EPHA3: variants seen among roughly 807,000 people sequenced by gnomAD.
EPHA3 encodes ephrin type-A receptor 3.
Under a neutral mutation model 107.1 loss-of-function variants are expected in EPHA3, and 42 were observed. The ratio of observed to expected loss-of-function variants is 0.39; its 90% CI spans 0.31 to 0.51. The LOEUF is 0.51. Among genes scored for constraint, EPHA3 ranks in the 20% least tolerant of loss-of-function variants. The probability of loss-of-function intolerance (pLI) is 0.78; values close to 1 mark genes in which losing one functional copy is unlikely to be tolerated. For synonymous variants in EPHA3, 461 were observed against 424.8 expected (o/e 1.09, Z -1.05); for missense variants, 1,183 against 1,211.2 (o/e 0.98, Z 0.35).
chr3:89,469,944 T>A (rs1710367667), intron 15 of EPHA3, among the ~76,000 whole-genome samples: 1 of 152,124 alleles, frequency 6.6e-6, no homozygotes, highest in Non-Finnish European at 1.5e-5. Flanking sequence ...ATTTCAAGTA[T>A]ATAAGAAAAA....
chr3:89,449,524 G>T, intron 14 of EPHA3, 150 bp downstream of exon 14: 1 of 603,076 alleles, frequency 1.7e-6, no homozygotes, highest in Non-Finnish European at 2.6e-6. Context: ...GTCTTGCAAG[G>T]ATATTATATT....
At position 89,294,481 on chromosome 3, in the gene EPHA3, T is replaced by G. The variant is rs573177481; in HGVS notation, c.815-46435T>G. ...CATTTTTGGTAGTTTCATTTATTCCTTGAACTTTGTTCTTTTCCTCTTACA... is the reference window on the plus strand; with the variant it reads ...CATTTTTGGTAGTTTCATTTATTCCGTGAACTTTGTTCTTTTCCTCTTACA... On this transcript the variant is annotated intron_variant, in intron 3 of 16. Transcript: ENST00000336596. Among the ~76,000 whole-genome samples, 16 of 152,064 alleles carry G rather than the reference T, an allele frequency of 1.1e-4. No individual in the cohort carries two copies. In the South Asian group the frequency reaches 3.3e-3, roughly 32 times the overall value.
intron 2 of EPHA3, among the ~76,000 whole-genome samples, chr3:89,203,955 C>T (rs527570721): frequency 7.1e-4 from 108 of 152,104 alleles, no homozygotes; most frequent in Non-Finnish European, 1.2e-3. Flanking sequence ...CTGGGTAAAG[C>T]GGAGACAGAA....
chr3:89,340,224 G>T (rs552132700), intron 3 of EPHA3, among the ~76,000 whole-genome samples: 1 of 152,178 alleles, frequency 6.6e-6, no homozygotes, highest in Non-Finnish European at 1.5e-5. Flanking sequence ...AGATAACACA[G>T]TTATTAAAAG....
chr3:89,480,406 G>A lies in EPHA3; in HGVS notation c.*904G>A. Reference sequence around the variant, plus strand: ...CCTCTCCGTTTATTATAAACTGTATGCTCACAACTTAGTGTAATATACCAG... The same window carrying A: ...CCTCTCCGTTTATTATAAACTGTATACTCACAACTTAGTGTAATATACCAG... On this transcript the variant is annotated 3_prime_UTR_variant, in exon 17 of 17. Transcript: ENST00000336596. 4.3e-6 allele frequency: 1 copy of A among 233,128 alleles called. No individual in the cohort carries two copies. Among genetic ancestry groups the A allele is most frequent in the Non-Finnish European group, 8.5e-6 (1 of 117,778 alleles). 14.4% of individuals were successfully genotyped at this position (233,128 alleles called of 1,614,324 possible).
chr3:89,380,525 A>T (rs2107483512), intron 5 of EPHA3, among the ~76,000 whole-genome samples: 1 of 152,212 alleles, frequency 6.6e-6, no homozygotes, highest in Non-Finnish European at 1.5e-5. Context: ...TTCTTTTCTT[A>T]CTTATACGAA....
chr3:89,265,523 C>T (rs1282551103), intron 3 of EPHA3, among the ~76,000 whole-genome samples: 1 of 152,090 alleles, frequency 6.6e-6, no homozygotes, highest in Non-Finnish European at 1.5e-5. Flanking sequence ...ATATGTAATG[C>T]AAAATGTGAT....
At chr3:89,248,793 G>A (rs955723356) in intron 3 of EPHA3, among the ~76,000 whole-genome samples, 12 of 152,184 alleles carry the variant, frequency 7.9e-5, no homozygotes, top group Admixed American at 7.9e-4. Context: ...TGAATGTGCA[G>A]ATTTGGAAAA....
intron 2 of EPHA3, among the ~76,000 whole-genome samples, chr3:89,190,125 T>C (rs1226393609): frequency 6.6e-6 from 1 of 152,210 alleles, no homozygotes; most frequent in Non-Finnish European, 1.5e-5. Context: ...TGCACCTGCT[T>C]CTTTGATTTA....
At position 89,180,010 on chromosome 3, in the gene EPHA3, G is replaced by A. The variant is rs553738601; in HGVS notation, c.154-29850G>A. ...CAGAAATACAACTCAAGTGCAGTTC[G>A]TATATTCATATCAATTTCTGTTATA... On this transcript the variant is annotated intron_variant, in intron 2 of 16. Transcript: ENST00000336596. Among the ~76,000 whole-genome samples, 252 of 151,746 alleles carry A rather than the reference G, an allele frequency of 1.7e-3. 1 individual carries two copies. The highest frequency in any genetic ancestry group is 5.7e-3 in the African/African-American group (235 of 41,400).
At chr3:89,323,613 A>G (rs536930075) in intron 3 of EPHA3, among the ~76,000 whole-genome samples, 2 of 152,218 alleles carry the variant, frequency 1.3e-5, no homozygotes, top group South Asian at 4.1e-4. Context: ...CTTATATTGG[A>G]GTTCTTAAAA....
chr3:89,281,332 A>G (rs548578123), intron 3 of EPHA3, among the ~76,000 whole-genome samples: 6 of 152,132 alleles, frequency 3.9e-5, no homozygotes, highest in Non-Finnish European at 7.4e-5. Context: ...GCCTCTCACA[A>G]CATATTATAG....
At chr3:89,124,536 A>G (rs568548963) in intron 1 of EPHA3, among the ~76,000 whole-genome samples, 2 of 152,218 alleles carry the variant, frequency 1.3e-5, no homozygotes, top group African/African-American at 4.8e-5. Context: ...GTGTGTTTTG[A>G]AGTTAACTAT....
At chr3:89,148,970 C>T (rs1268169425) in intron 2 of EPHA3, among the ~76,000 whole-genome samples, 1 of 151,854 alleles carries the variant, frequency 6.6e-6, no homozygotes, top group Non-Finnish European at 1.5e-5. Flanking sequence ...ACATCAGGAA[C>T]CTGAGAATAC....
intron 2 of EPHA3, among the ~76,000 whole-genome samples, chr3:89,147,811 GA>G (rs896948099): frequency 6.6e-6 from 1 of 151,866 alleles, no homozygotes; most frequent in Non-Finnish European, 1.5e-5. Flanking sequence ...TAACAATTGA[GA>G]AAACAAAATG....
At chr3:89,346,934 G>A (rs1022601151) in intron 5 of EPHA3, among the ~76,000 whole-genome samples, 24 of 147,172 alleles carry the variant, frequency 1.6e-4, no homozygotes, top group African/African-American at 5.5e-4. Flanking sequence ...TTGTAGGTAC[G>A]CGGCGTTATT....
chr3:89,231,987 G>C (rs1228287731), intron 3 of EPHA3, among the ~76,000 whole-genome samples: 1 of 152,054 alleles, frequency 6.6e-6, no homozygotes, highest in Non-Finnish European at 1.5e-5. Context: ...TTTCCTCCAA[G>C]TGCAGGGCAG....
chr3:89,135,867 T>A (rs1704299370), intron 2 of EPHA3, among the ~76,000 whole-genome samples: 1 of 151,824 alleles, frequency 6.6e-6, no homozygotes, highest in East Asian at 1.9e-4. Flanking sequence ...GAGCAAATCA[T>A]AGAACTGTTT....
chr3:89,424,987 G>T (rs1456536945), intron 11 of EPHA3, among the ~76,000 whole-genome samples: 2 of 151,428 alleles, frequency 1.3e-5, no homozygotes, highest in Admixed American at 6.6e-5. Context: ...TTTGAAGAAA[G>T]AAATTATCTC....
Sources: gnomAD v4.1 joint callset for allele counts (sites outside exome capture counted in the v4.1 genomes callset) on GRCh38, gnomAD v4.1.1 for gene constraint, MANE v1.5 for transcripts, NCBI Gene and HGNC (gene_info 2026-07-23, HGNC 2026-07-21) for gene names.